The following PRDM16 variants were observed in gnomAD, a reference collection of about 807,000 sequenced individuals.
The protein encoded by PRDM16 is PR/SET domain 16.
A neutral mutation model predicts 110.6 loss-of-function variants in PRDM16; 23 were observed. The observed-to-expected ratio is 0.21, with a 90% CI of 0.15 to 0.29. The LOEUF is 0.29. Among genes scored for constraint, PRDM16 ranks in the 10% least tolerant of loss-of-function variants. PRDM16 has a pLI of 1.00. For synonymous variants in PRDM16, 799 were observed against 781.8 expected (o/e 1.02, Z -0.37); for missense variants, 1,615 against 1,794.3 (o/e 0.90, Z 1.81).
intron 3 of PRDM16, among the ~76,000 whole-genome samples, chr1:3,328,026 G>A (rs115602064): frequency 0.026 from 3,963 of 152,300 alleles, 157 homozygotes; most frequent in African/African-American, 0.089. Context: ...TCTGGGGACC[G>A]GAATCCCCCA....
intron 2 of PRDM16, among the ~76,000 whole-genome samples, chr1:3,241,350 A>G (rs1464015285): frequency 6.6e-6 from 1 of 152,166 alleles, no homozygotes; most frequent in Non-Finnish European, 1.5e-5. Flanking sequence ...CGGGGTGACC[A>G]CAGTCCTCAG....
Position 3,243,628 on chromosome 1 carries a change from C to G in PRDM16, c.388-459C>G, listed in dbSNP as rs1639724042. Reference sequence around the variant, plus strand: ...TGTCCAGGACCAGGCACAACCTAGGCCAAGTTACGTCTAAATACACGTGGT... The same window carrying G: ...TGTCCAGGACCAGGCACAACCTAGGGCAAGTTACGTCTAAATACACGTGGT... On this transcript the variant is annotated intron_variant, in intron 2 of 16. Coordinates refer to ENST00000270722, the MANE Select transcript of PRDM16 (RefSeq NM_022114.4). This position sits in a 1 kb window ranked among gnomAD's most constrained non-coding sequence, Gnocchi z 5.5. Among the ~76,000 whole-genome samples, 1 of 152,252 alleles carries G rather than the reference C, an allele frequency of 6.6e-6. No homozygotes were observed. The highest frequency in any genetic ancestry group is 1.5e-5 in the Non-Finnish European group (1 of 68,050).
At chr1:3,130,495 C>T (rs1643310020) in intron 1 of PRDM16, among the ~76,000 whole-genome samples, 1 of 152,222 alleles carries the variant, frequency 6.6e-6, no homozygotes. Context: ...CAGAGGCCGT[C>T]TCCAGGGCCC....
intron 5 of PRDM16, among the ~76,000 whole-genome samples, chr1:3,400,131 C>T (rs1249382173): frequency 1.3e-5 from 2 of 152,246 alleles, no homozygotes; most frequent in Non-Finnish European, 2.9e-5. Context: ...GCCAGCCCTG[C>T]TTCCTCGGCC....
At position 3,072,332 on chromosome 1, in the gene PRDM16, G is replaced by A. The variant is rs1325297251; in HGVS notation, c.37+3036G>A. Among the ~76,000 whole-genome samples, 6 of 152,154 alleles carry A rather than the reference G, an allele frequency of 3.9e-5. No individual in the cohort carries two copies. In the East Asian group the frequency reaches 9.6e-4, roughly 24 times the overall value. ...ACAGCTGGGGGCCTCTGTGCAGGAG[G>A]AGGATGTGCCAGTCGGCACCCCCAT... On this transcript the variant is annotated intron_variant, in intron 1 of 16. Coordinates refer to ENST00000270722, the MANE Select transcript of PRDM16 (RefSeq NM_022114.4).
chr1:3,073,235 CAG>C (rs1332831777), intron 1 of PRDM16, among the ~76,000 whole-genome samples: 1 of 152,224 alleles, frequency 6.6e-6, no homozygotes, highest in Non-Finnish European at 1.5e-5. Flanking sequence ...CCGGGCCCCT[CAG>C]GGGAGGTGAG....
rs186713956 is a variant in PRDM16 at position 3,353,887 on chromosome 1, T to G, written c.439-31265T>G. ...CAGCTTGGTAGACCTAGGGGGTCTT[T>G]CTAGAAGCCAAGGGGGCCCTTGGCA... On this transcript the variant is annotated intron_variant, in intron 3 of 16. Coordinates refer to ENST00000270722, the MANE Select transcript of PRDM16 (RefSeq NM_022114.4). The surrounding 1 kb of genome is among the most constrained non-coding windows in gnomAD (Gnocchi z 5.4). Among the ~76,000 whole-genome samples, 560 of 152,102 alleles carry G rather than the reference T, an allele frequency of 3.7e-3. 8 individuals are homozygous for G. The highest frequency in any genetic ancestry group is 1.6e-3 in the East Asian group (8 of 5,124).
intron 5 of PRDM16, among the ~76,000 whole-genome samples, chr1:3,401,855 G>C (rs1217449993): frequency 1.3e-5 from 2 of 150,820 alleles, no homozygotes; most frequent in African/African-American, 2.4e-5. Context: ...CCACACATGT[G>C]CAAGTATGAA....
intron 3 of PRDM16, among the ~76,000 whole-genome samples, chr1:3,340,899 C>A (rs756057729): frequency 2.6e-5 from 4 of 152,178 alleles, no homozygotes; most frequent in Non-Finnish European, 5.9e-5. Context: ...GGGGGCCGTG[C>A]TGCAGCAGGA....
At chr1:3,169,066 G>A (rs953948550) in intron 1 of PRDM16, among the ~76,000 whole-genome samples, 34 of 152,306 alleles carry the variant, frequency 2.2e-4, no homozygotes, top group African/African-American at 7.5e-4. Context: ...GAGACCCTGT[G>A]CTGTGCCGCT....
chr1:3,214,424 C>T (rs1013490984), intron 2 of PRDM16, among the ~76,000 whole-genome samples: 5 of 152,176 alleles, frequency 3.3e-5, no homozygotes, highest in African/African-American at 1.2e-4. Flanking sequence ...TGGTCAGGTG[C>T]GGTGGCTCAC....
At chr1:3,086,288 C>A (rs958734081) in intron 1 of PRDM16, among the ~76,000 whole-genome samples, 1 of 152,102 alleles carries the variant, frequency 6.6e-6, no homozygotes, top group African/African-American at 2.4e-5. Context: ...CCTGGGCGCA[C>A]CTGCTGCGAC....
intron 1 of PRDM16, among the ~76,000 whole-genome samples, chr1:3,115,073 C>T (rs1303814470): frequency 6.6e-6 from 1 of 152,270 alleles, no homozygotes; most frequent in Admixed American, 6.5e-5. Flanking sequence ...GTGGGCCTGG[C>T]CAGCCTCTGA....
intron 1 of PRDM16, among the ~76,000 whole-genome samples, chr1:3,129,054 G>A (rs569267836): frequency 2.6e-5 from 4 of 152,336 alleles, no homozygotes; most frequent in African/African-American, 7.2e-5. Context: ...TGGTGCATGT[G>A]TGTGTGGGGG....
intron 2 of PRDM16, among the ~76,000 whole-genome samples, chr1:3,200,876 A>G (rs4418531): frequency 0.14 from 21,288 of 151,942 alleles, 3,256 homozygotes; most frequent in African/African-American, 0.38. Context: ...GACCACGGGC[A>G]CAGAAGACGA....
At position 3,412,187 on chromosome 1, in the gene PRDM16, G is replaced by A. The variant is rs763938877; in HGVS notation, c.1990G>A (p.Glu664Lys). ...APPGAPNSVAEVPVFYSQHSF... is the reference protein window; with the variant it reads ...APPGAPNSVAKVPVFYSQHSF... Reference sequence around the variant, plus strand: ...CCCGGGGGCCCCGAACAGCGTGGCCGAGGTGCCTGTCTTCTATTCCCAGCA... The same window carrying A: ...CCCGGGGGCCCCGAACAGCGTGGCCAAGGTGCCTGTCTTCTATTCCCAGCA... The change falls in exon 9 of 17, where the codon GAG becomes AAG. Residue 664 changes from glutamate (E) to lysine (K), a missense_variant. This residue lies in a region of PRDM16 where 772 missense variants were observed against 748.3 expected (regional missense o/e 1.03). Coordinates refer to ENST00000270722, the MANE Select transcript of PRDM16 (RefSeq NM_022114.4). 20 of 1,593,044 alleles carry A rather than the reference G, an allele frequency of 1.3e-5. No individual in the cohort carries two copies. The highest frequency in any genetic ancestry group is 8.1e-5 in the African/African-American group (6 of 74,470).
intron 4 of PRDM16, chr1:3,394,424 C>T: frequency 2.3e-6 from 1 of 441,224 alleles, no homozygotes; most frequent in Non-Finnish European, 4.5e-6. Context: ...AGCCGAGAAG[C>T]AGGGAGTGCG....
In PRDM16 at chr1:3,412,661, C is replaced by A. The variant is rs1442294563; in HGVS notation, c.2464C>A (p.Pro822Thr). The A allele has an allele frequency of 8.5e-6, 13 of 1,528,590 alleles. No homozygotes were observed. The highest frequency in any genetic ancestry group is 1.1e-5 in the Non-Finnish European group (13 of 1,138,084). 94.7% of individuals were successfully genotyped at this position (1,528,590 alleles called of 1,614,324 possible). A position where few individuals can be genotyped will look rare whatever the true frequency, so the allele number is the denominator to read the frequency against. ...RASQNGGGRE[P>T]RKNHVYGERK... ...CAGCCAAAACGGCGGCGGGCGGGAG[C>A]CCCGCAAGAACCACGTCTATGGGGA... The change falls in exon 9 of 17, where the codon CCC (proline) becomes ACC (threonine). Residue 822 changes from proline (P) to threonine (T), a missense_variant. Coordinates refer to ENST00000270722, the MANE Select transcript of PRDM16 (RefSeq NM_022114.4).
intron 2 of PRDM16, among the ~76,000 whole-genome samples, chr1:3,210,418 GCTC>G (rs1638855974): frequency 6.6e-6 from 1 of 152,250 alleles, no homozygotes; most frequent in South Asian, 2.1e-4. Context: ...CAGAAGCCAG[GCTC>G]CCAGCTGGAA....
Sources: allele counts gnomAD v4.1 joint callset (sites outside exome capture counted in the v4.1 genomes callset), GRCh38; gene constraint gnomAD v4.1.1; regional missense constraint gnomAD v4.1.1; non-coding constraint Gnocchi (gnomAD v3.1); transcripts MANE v1.5; gene names NCBI Gene and HGNC (gene_info 2026-07-23, HGNC 2026-07-21).